Variants in SDK1 observed in about 807,000 individuals in gnomAD.
SDK1 encodes sidekick cell adhesion molecule 1, also known as protein sidekick-1.
In SDK1, 157 loss-of-function variants were observed where a neutral mutation model predicts 245.5. The ratio of observed to expected loss-of-function variants is 0.64; its 90% CI spans 0.56 to 0.73. The LOEUF is 0.73. Ranked by LOEUF, SDK1 falls within the 30% of genes least tolerant of loss-of-function variation. SDK1 has a pLI of 0.00. For synonymous variants in SDK1, 1,647 were observed against 1,278.5 expected (o/e 1.29, Z -6.15); for missense variants, 3,583 against 3,002.3 (o/e 1.19, Z -4.52).
chr7:4,105,430 G>C (rs548464885), intron 22 of SDK1, among the ~76,000 whole-genome samples: 28 of 150,972 alleles, frequency 1.9e-4, no homozygotes, highest in Non-Finnish European at 3.8e-4. Flanking sequence ...CCTCAGCCTC[G>C]TGAGTAGCTG....
chr7:3,484,994 T>C (rs1469473255), intron 1 of SDK1, among the ~76,000 whole-genome samples: 1 of 152,222 alleles, frequency 6.6e-6, no homozygotes, highest in Non-Finnish European at 1.5e-5. Context: ...GATAGACTAA[T>C]TTCCTTTCTT....
At chr7:3,475,606 A>G (rs1168776700) in intron 1 of SDK1, among the ~76,000 whole-genome samples, 1 of 152,132 alleles carries the variant, frequency 6.6e-6, no homozygotes, top group Non-Finnish European at 1.5e-5. Flanking sequence ...TTTCTCATTG[A>G]TTGTATAAAA....
chr7:3,816,841 G>C (rs1779518965), intron 4 of SDK1, among the ~76,000 whole-genome samples: 1 of 152,052 alleles, frequency 6.6e-6, no homozygotes. Context: ...AATTAAAATG[G>C]AGAATATTTT....
At chr7:3,740,163 T>A (rs28503504) in intron 4 of SDK1, among the ~76,000 whole-genome samples, 1,774 of 152,176 alleles carry the variant, frequency 0.012, 37 homozygotes, top group African/African-American at 0.04. Flanking sequence ...ACTTGCTTGC[T>A]TAGAGCCAGA....
intron 36 of SDK1, among the ~76,000 whole-genome samples, 174 bp from the exon 37 acceptor site, chr7:4,207,925 C>G (rs535866860): frequency 2.8e-4 from 43 of 152,308 alleles, no homozygotes; most frequent in African/African-American, 9.9e-4. Flanking sequence ...CGTCCATACA[C>G]AGTAGCCTCA....
At chr7:3,957,410 A>G (rs1400792039) in intron 7 of SDK1, among the ~76,000 whole-genome samples, 1 of 152,224 alleles carries the variant, frequency 6.6e-6, no homozygotes, top group Non-Finnish European at 1.5e-5. Context: ...AGCCGAGTGA[A>G]GGGTCCATGA....
intron 5 of SDK1, among the ~76,000 whole-genome samples, chr7:3,827,616 A>C (rs1465112291): frequency 3.9e-5 from 6 of 152,238 alleles, no homozygotes; most frequent in Non-Finnish European, 4.4e-5. Flanking sequence ...ATTACAAATA[A>C]CTTGATAATT....
intron 5 of SDK1, among the ~76,000 whole-genome samples, chr7:3,856,034 C>G (rs1235777658): frequency 6.6e-6 from 1 of 152,078 alleles, no homozygotes; most frequent in African/African-American, 2.4e-5. Flanking sequence ...TTATTGATAG[C>G]ATTAATACAG....
chr7:3,909,659 T>C (rs917528193), intron 5 of SDK1, among the ~76,000 whole-genome samples: 5 of 152,242 alleles, frequency 3.3e-5, no homozygotes, highest in Non-Finnish European at 2.9e-5. Flanking sequence ...TATGAGGCTG[T>C]ATTATGTCTA....
intron 5 of SDK1, among the ~76,000 whole-genome samples, chr7:3,913,481 G>C (rs1779257377): frequency 6.6e-6 from 1 of 151,980 alleles, no homozygotes; most frequent in Non-Finnish European, 1.5e-5. Context: ...TTTTGGTAGA[G>C]ATGGGGTTTC....
At chr7:3,820,393 C>G (rs554868556) in intron 4 of SDK1, among the ~76,000 whole-genome samples, 2 of 152,150 alleles carry the variant, frequency 1.3e-5, no homozygotes, top group African/African-American at 2.4e-5. Flanking sequence ...CACAATCTGT[C>G]CACCTCGCCC....
chr7:3,571,450 G>A (rs953873138), intron 1 of SDK1, among the ~76,000 whole-genome samples: 17 of 151,902 alleles, frequency 1.1e-4, no homozygotes, highest in Admixed American at 7.9e-4. Context: ...CTACAGGCCC[G>A]TACCACCATG....
intron 5 of SDK1, among the ~76,000 whole-genome samples, chr7:3,854,391 A>G (rs1780490652): frequency 6.6e-6 from 1 of 152,106 alleles, no homozygotes; most frequent in Non-Finnish European, 1.5e-5. Context: ...AGATAATGTA[A>G]CTCCTGCAAC....
At chr7:3,340,766 C>CA (rs56932562) in intron 1 of SDK1, among the ~76,000 whole-genome samples, 23,444 of 125,216 alleles carry the variant, frequency 0.19, 2,102 homozygotes, top group Middle Eastern at 0.24. Context: ...GACCCCGTCT[C>CA]AAAAAAAAAA....
At chr7:3,457,590 T>C (rs1001562031) in intron 1 of SDK1, among the ~76,000 whole-genome samples, 1 of 152,198 alleles carries the variant, frequency 6.6e-6, no homozygotes, top group Non-Finnish European at 1.5e-5. Flanking sequence ...TTGGATTCTA[T>C]GTATTTATGA....
rs1007661053 is a variant in SDK1 at position 3,550,302 on chromosome 7, T to C, written c.299-68778T>C. On this transcript the variant is annotated intron_variant, in intron 1 of 44. Coordinates refer to ENST00000404826, the MANE Select transcript of SDK1 (RefSeq NM_152744.4). Reference sequence around the variant, plus strand: ...TTCAGTGCCTGAAATCATTCTAGCCTTTATATTGTAGTCATTTGCGTTTTC... The same window carrying C: ...TTCAGTGCCTGAAATCATTCTAGCCCTTATATTGTAGTCATTTGCGTTTTC... Among the ~76,000 whole-genome samples, 9 of 152,328 alleles carry C rather than the reference T, an allele frequency of 5.9e-5. 1 individual carries two copies. The highest frequency in any genetic ancestry group is 4.6e-4 in the Admixed American group (7 of 15,298).
chr7:3,671,365 A>G (rs1230039441), intron 4 of SDK1, among the ~76,000 whole-genome samples: 1 of 152,358 alleles, frequency 6.6e-6, no homozygotes, highest in Non-Finnish European at 1.5e-5. Flanking sequence ...CAATTTTTAA[A>G]TATTTATAGT....
chr7:3,770,865 C>T (rs559229998), intron 4 of SDK1, among the ~76,000 whole-genome samples: 1 of 152,162 alleles, frequency 6.6e-6, no homozygotes. Context: ...GTTACGAGGC[C>T]TGGCTTAGTT....
At chr7:3,406,528 C>T (rs1259812654) in intron 1 of SDK1, among the ~76,000 whole-genome samples, 1 of 152,114 alleles carries the variant, frequency 6.6e-6, no homozygotes, top group East Asian at 1.9e-4. Flanking sequence ...CAACTGTGGG[C>T]CAGTTCGTTA....
Sources: allele counts gnomAD v4.1 joint callset (sites outside exome capture counted in the v4.1 genomes callset), GRCh38; gene constraint gnomAD v4.1.1; transcripts MANE v1.5; gene names NCBI Gene and HGNC (gene_info 2026-07-23, HGNC 2026-07-21).